The following DGKB variants were observed in gnomAD, a reference collection of about 807,000 sequenced individuals.
The protein encoded by DGKB is 90 kDa diacylglycerol kinase.
In DGKB, 67 loss-of-function variants were observed where a neutral mutation model predicts 114.3. The ratio of observed to expected loss-of-function variants is 0.59; its 90% confidence interval spans 0.48 to 0.72. The LOEUF (loss-of-function observed/expected upper bound fraction) is 0.72. Ranked by LOEUF, DGKB falls within the 30% of genes least tolerant of loss-of-function variation. The probability of loss-of-function intolerance (pLI) is 0.00; values close to 1 mark genes in which losing one functional copy is unlikely to be tolerated. For synonymous variants in DGKB, 398 were observed against 323.1 expected (o/e 1.23, Z -2.49); for missense variants, 907 against 975.2 (o/e 0.93, Z 0.93).
At position 14,897,685 on chromosome 7, in the gene DGKB, C is replaced by T. The variant is rs1420929835; in HGVS notation, c.-188+4907G>A. Among the ~76,000 whole-genome samples, 6 of 151,982 alleles carry T rather than the reference C, an allele frequency of 3.9e-5. No homozygotes were observed. In the East Asian group the frequency reaches 5.8e-4, roughly 15 times the overall value. ...CATCATATTCCAAAATATTGCCCCA[C>T]GTATTCTAAATATGTAACACCACAG... On this transcript the variant is annotated intron_variant, in intron 1 of 25. Coordinates refer to ENST00000402815, the MANE Select transcript of DGKB (RefSeq NM_001350709.2).
intron 1 of DGKB, among the ~76,000 whole-genome samples, chr7:14,864,168 T>A (rs958135067): frequency 6.6e-6 from 1 of 151,990 alleles, no homozygotes; most frequent in Admixed American, 6.6e-5. Context: ...TTATAACCAA[T>A]TGTATTTGTT....
At chr7:14,590,174 ACAT>A (rs763940092) in intron 17 of DGKB, among the ~76,000 whole-genome samples, 2 of 36,388 alleles carry the variant, frequency 5.5e-5, no homozygotes, top group African/African-American at 1.3e-4. Flanking sequence ...AAAAAAAAAA[ACAT>A]TAAAGAGAAA....
chr7:14,237,051 T>G (rs896436346), intron 23 of DGKB, among the ~76,000 whole-genome samples: 1 of 151,942 alleles, frequency 6.6e-6, no homozygotes, highest in African/African-American at 2.4e-5. Flanking sequence ...TGTTATTGCT[T>G]AAATTTGTGC....
intron 20 of DGKB, among the ~76,000 whole-genome samples, chr7:14,529,406 A>G (rs1791187511): frequency 6.6e-6 from 1 of 151,902 alleles, no homozygotes. Context: ...GTCTATTTAA[A>G]TAAATAACTA....
At chr7:14,296,954 A>G (rs1802693988) in intron 23 of DGKB, among the ~76,000 whole-genome samples, 1 of 152,174 alleles carries the variant, frequency 6.6e-6, no homozygotes, top group Non-Finnish European at 1.5e-5. Context: ...TAGAAAAACT[A>G]GAAGAAATGG....
At chr7:14,862,053 C>T (rs1851055818) in intron 1 of DGKB, among the ~76,000 whole-genome samples, 1 of 151,928 alleles carries the variant, frequency 6.6e-6, no homozygotes, top group South Asian at 2.1e-4. Context: ...ATTTAGTCAA[C>T]ATGATCCATA....
At chr7:14,792,508 G>A (rs1249002034) in intron 2 of DGKB, among the ~76,000 whole-genome samples, 1 of 151,982 alleles carries the variant, frequency 6.6e-6, no homozygotes, top group Non-Finnish European at 1.5e-5. Context: ...ATCTGCTTTG[G>A]GCAAAATGAA....
At chr7:14,907,436 G>T (rs1783765750), upstream of DGKB, among the ~76,000 whole-genome samples, 1 of 152,158 alleles carries the variant, frequency 6.6e-6, no homozygotes, top group African/African-American at 2.4e-5. Flanking sequence ...TATGAAATGA[G>T]GATGCCATAG....
chr7:14,485,224 T>C (rs1017607311), intron 20 of DGKB, among the ~76,000 whole-genome samples: 14 of 151,396 alleles, frequency 9.2e-5, no homozygotes, highest in African/African-American at 3.4e-4. Flanking sequence ...CTCTTCTAAA[T>C]GCGAGCACAG....
At chr7:14,440,108 C>T (rs1027059335) in intron 21 of DGKB, among the ~76,000 whole-genome samples, 10 of 152,128 alleles carry the variant, frequency 6.6e-5, no homozygotes, top group Admixed American at 6.5e-5. Context: ...TGAGCTTCTA[C>T]AGCCCTTCAT....
intron 20 of DGKB, among the ~76,000 whole-genome samples, chr7:14,511,772 T>C (rs1393631505): frequency 6.6e-6 from 1 of 152,184 alleles, no homozygotes; most frequent in African/African-American, 2.4e-5. Context: ...TCCTTTCACT[T>C]GAATACTTAG....
chr7:14,151,933 T>G (rs149793276), intron 25 of DGKB, among the ~76,000 whole-genome samples: 39 of 152,168 alleles, frequency 2.6e-4, no homozygotes, highest in African/African-American at 9.1e-4. Context: ...CCAAGCCACA[T>G]GGATTGTCGG....
upstream of DGKB, among the ~76,000 whole-genome samples, chr7:14,907,102 A>T (rs1044879698): frequency 2.0e-5 from 3 of 152,214 alleles, no homozygotes; most frequent in African/African-American, 7.2e-5. Context: ...AAATCAATGA[A>T]TCAGTGGGAC....
intron 23 of DGKB, among the ~76,000 whole-genome samples, chr7:14,221,141 A>G (rs1294687015): frequency 6.6e-6 from 1 of 151,314 alleles, no homozygotes; most frequent in African/African-American, 2.4e-5. Flanking sequence ...TTCCTTTTCA[A>G]TCTGATGCCT....
intron 21 of DGKB, among the ~76,000 whole-genome samples, chr7:14,453,535 C>T (rs1831835645): frequency 6.6e-6 from 1 of 152,092 alleles, no homozygotes; most frequent in African/African-American, 2.4e-5. Flanking sequence ...TTAAGTTCCC[C>T]ATTCACTGCA....
Position 14,462,514 on chromosome 7 carries a change from G to T in DGKB, c.1835+15647C>A, listed in dbSNP as rs149036417. On this transcript the variant is annotated intron_variant, in intron 21 of 25. Transcript: ENST00000402815. Reference sequence around the variant, plus strand: ...CTCCCATTCACAACTGCTACAAAAAGAATAAAATACCTAGGAATACAACTT... The same window carrying T: ...CTCCCATTCACAACTGCTACAAAAATAATAAAATACCTAGGAATACAACTT... Among the ~76,000 whole-genome samples, 1,405 of 152,170 alleles carry T rather than the reference G, an allele frequency of 9.2e-3. 23 individuals carry two copies. Among genetic ancestry groups the T allele is most frequent in the African/African-American group, 0.032 (1,346 of 41,516 alleles).
chr7:14,704,730 G>A (rs935324032), intron 6 of DGKB, among the ~76,000 whole-genome samples: 7 of 152,078 alleles, frequency 4.6e-5, no homozygotes, highest in Non-Finnish European at 7.4e-5. Flanking sequence ...ACACGGCAGG[G>A]TATTCCAATA....
rs146944450 is a variant in DGKB at position 14,740,698 on chromosome 7, T to C, written c.169-4504A>G. Among the ~76,000 whole-genome samples the C allele has an allele frequency of 6.6e-4, 101 of 152,212 alleles. 1 individual carries two copies. In the East Asian group the frequency reaches 0.019, roughly 28 times the overall value. ...CCCATATCATGGATAGAGGTCATACTAGTATCCATGGCATAAATTAGGTGT... is the reference window on the plus strand; with the variant it reads ...CCCATATCATGGATAGAGGTCATACCAGTATCCATGGCATAAATTAGGTGT... On this transcript the variant is annotated intron_variant, in intron 4 of 25. Transcript: ENST00000402815.
chr7:14,392,995 G>GTTTTTGTTTTTTGTTTTTTTTTTTTTTT, intron 21 of DGKB, among the ~76,000 whole-genome samples: 1 of 60,546 alleles, frequency 1.7e-5, no homozygotes, highest in Admixed American at 2.3e-4. Flanking sequence ...TTTTGTTTTT[G>GTTTTTGTTTTTTGTTTTTTTTTTTTTTT]TTTTTTTTTT....
Sources: gnomAD v4.1 joint callset for allele counts (sites outside exome capture counted in the v4.1 genomes callset) on GRCh38, gnomAD v4.1.1 for gene constraint, MANE v1.5 for transcripts, NCBI Gene and HGNC (gene_info 2026-07-23, HGNC 2026-07-21) for gene names.